Variants in SETDB2 observed in about 807,000 individuals in gnomAD.
SETDB2 encodes the protein histone-lysine N-methyltransferase SETDB2.
A neutral mutation model predicts 82.5 loss-of-function variants in SETDB2; 56 were observed. The observed-to-expected ratio is 0.68, with a 90% CI of 0.55 to 0.85. The LOEUF (loss-of-function observed/expected upper bound fraction) is 0.85. Ranked by LOEUF, SETDB2 falls within the 40% of genes least tolerant of loss-of-function variation. The probability of loss-of-function intolerance (pLI) is 0.00; values close to 1 mark genes in which losing one functional copy is unlikely to be tolerated. For synonymous variants in SETDB2, 272 were observed against 284.9 expected (o/e 0.95, Z 0.46); for missense variants, 677 against 816.4 (o/e 0.83, Z 2.08).
chr13:49,474,257 C>T (rs1252533567), intron 5 of SETDB2, among the ~76,000 whole-genome samples: 1 of 149,224 alleles, frequency 6.7e-6, no homozygotes, highest in Non-Finnish European at 1.5e-5. Context: ...TTGAAACTCA[C>T]TCTCTCTCAA....
At chr13:49,487,198 G>A (rs1024782732) in intron 11 of SETDB2, among the ~76,000 whole-genome samples, 1 of 152,202 alleles carries the variant, frequency 6.6e-6, no homozygotes, top group Non-Finnish European at 1.5e-5. Flanking sequence ...AGCAACAACA[G>A]TGATGATTAA....
intron 3 of SETDB2, 47 bp from the exon 4 acceptor site, chr13:49,461,050 C>A: frequency 7.1e-7 from 1 of 1,401,244 alleles, no homozygotes; most frequent in Non-Finnish European, 1.0e-6. Flanking sequence ...CAGTAGCTGG[C>A]ACCATAAATA....
At chr13:49,489,714 G>C (rs111629699) in intron 12 of SETDB2, among the ~76,000 whole-genome samples, 2,269 of 145,770 alleles carry the variant, frequency 0.016, 61 homozygotes, top group African/African-American at 0.055. Flanking sequence ...CTCCTCATCA[G>C]CCTCCTGAGT....
intron 2 of SETDB2, 167 bp from the exon 3 acceptor site, chr13:49,459,940 G>T (rs1269215256): frequency 1.7e-6 from 1 of 591,058 alleles, no homozygotes; most frequent in Non-Finnish European, 2.8e-6. Context: ...ATTGTTTCTA[G>T]CTCTTTGTAA....
intron 2 of SETDB2, among the ~76,000 whole-genome samples, chr13:49,454,943 T>A (rs997038309): frequency 6.6e-6 from 1 of 152,158 alleles, no homozygotes; most frequent in Non-Finnish European, 1.5e-5. Flanking sequence ...TTTATGTGGG[T>A]AACATCTGTT....
chr13:49,472,967 G>A (rs1958279727), intron 5 of SETDB2, among the ~76,000 whole-genome samples: 1 of 152,014 alleles, frequency 6.6e-6, no homozygotes, highest in South Asian at 2.1e-4. Context: ...AGTTTTACCA[G>A]CATATTTACT....
chr13:49,461,212 C>G, intron 4 of SETDB2, 50 bp downstream of exon 4: 1 of 1,327,408 alleles, frequency 7.5e-7, no homozygotes, highest in South Asian at 1.3e-5. Context: ...TATTTTCTTG[C>G]CATGAAGCAG....
intron 5 of SETDB2, among the ~76,000 whole-genome samples, chr13:49,473,272 A>G (rs1594160477): frequency 1.3e-5 from 2 of 152,084 alleles, no homozygotes; most frequent in East Asian, 3.9e-4. Flanking sequence ...ACCCGAGGCC[A>G]GGTGCGGTGG....
rs372407225 is a variant in SETDB2, at chr13:49,466,150, T to C, written c.209-1714T>C. 1.5e-3 allele frequency among the ~76,000 whole-genome samples: 221 copies of C among 152,302 alleles called. 2 individuals are homozygous for C. The highest frequency in any genetic ancestry group is 5.1e-3 in the African/African-American group (210 of 41,564). Reference sequence around the variant, plus strand: ...AGGTTTGAATAAAGAATAGGGAGTCTTGACTGGGCGTGGTGTCTCAGGCCT... The same window carrying C: ...AGGTTTGAATAAAGAATAGGGAGTCCTGACTGGGCGTGGTGTCTCAGGCCT... On this transcript the variant is annotated intron_variant, in intron 4 of 13. Transcript: ENST00000611815.
chr13:49,475,651 T>C (rs116432570), intron 5 of SETDB2, among the ~76,000 whole-genome samples: 9,103 of 152,006 alleles, frequency 0.06, 348 homozygotes, highest in South Asian at 0.064. Context: ...CATACCTTAC[T>C]AATTTTTTTT....
chr13:49,476,380 A>G, intron 5 of SETDB2, 96 bp from the exon 6 acceptor site: 1 of 817,682 alleles, frequency 1.2e-6, no homozygotes, highest in Non-Finnish European at 1.9e-6. Context: ...GGCTTATTTT[A>G]ATATTGTCTA....
intron 3 of SETDB2, 96 bp downstream of exon 3, chr13:49,460,328 G>C (rs1442423242): frequency 8.1e-7 from 1 of 1,239,960 alleles, no homozygotes; most frequent in East Asian, 2.7e-5. Flanking sequence ...GTTTGTAAAA[G>C]TAGATGGATG....
At chr13:49,449,133 A>G (rs1187311269) in intron 1 of SETDB2, among the ~76,000 whole-genome samples, 1 of 152,180 alleles carries the variant, frequency 6.6e-6, no homozygotes, top group Non-Finnish European at 1.5e-5. Context: ...TTTGCTTGCC[A>G]TCCAATCTGA....
chr13:49,471,278 G>A (rs547598140), intron 5 of SETDB2, among the ~76,000 whole-genome samples: 27 of 151,930 alleles, frequency 1.8e-4, no homozygotes, highest in Non-Finnish European at 3.1e-4. Context: ...CACCCAGCCA[G>A]TATTCTATTC....
chr13:49,445,182 A>G (rs1957638668), intron 1 of SETDB2, among the ~76,000 whole-genome samples: 1 of 152,132 alleles, frequency 6.6e-6, no homozygotes, highest in Non-Finnish European at 1.5e-5. Context: ...CTTCCTCATC[A>G]GCAAACGAGC....
intron 12 of SETDB2, among the ~76,000 whole-genome samples, chr13:49,489,749 C>T (rs1181058722): frequency 1.3e-5 from 2 of 150,832 alleles, no homozygotes; most frequent in African/African-American, 2.4e-5. Flanking sequence ...GTGTGCACCA[C>T]CATGCCTGGC....
rs750099182 is a variant in SETDB2 at position 49,488,099 on chromosome 13, T to G, written c.1577-191T>G. ...TCTAGGTTTGTTACCCCAGTTCTCG[T>G]TATTGTGGGTCAGATGAATTCCTTA... On this transcript the variant is annotated intron_variant, in intron 11 of 13. Transcript: ENST00000611815. 128 of 436,392 alleles carry G rather than the reference T, an allele frequency of 2.9e-4. 1 individual carries two copies. The highest frequency in any genetic ancestry group is 2.0e-4 in the Non-Finnish European group (66 of 328,432). 27.0% of individuals were successfully genotyped at this position (436,392 alleles called of 1,614,324 possible). A position where few individuals can be genotyped will look rare whatever the true frequency, so the allele number is the denominator to read the frequency against.
intron 4 of SETDB2, among the ~76,000 whole-genome samples, chr13:49,465,115 A>T (rs4941642): frequency 0.74 from 111,754 of 151,670 alleles, 41,594 homozygotes; most frequent in African/African-American, 0.83. Flanking sequence ...TTTTAAAAAG[A>T]AGGTTGGGAA....
chr13:49,489,917 C>A (rs1259418779), intron 12 of SETDB2, among the ~76,000 whole-genome samples: 5 of 49,106 alleles, frequency 1.0e-4, no homozygotes, highest in Non-Finnish European at 3.3e-4. Context: ...GCCCCCCCCC[C>A]CTTTTTTTTT....
Sources: allele counts gnomAD v4.1 joint callset (sites outside exome capture counted in the v4.1 genomes callset), GRCh38; gene constraint gnomAD v4.1.1; transcripts MANE v1.5; gene names NCBI Gene and HGNC (gene_info 2026-07-23, HGNC 2026-07-21).